The following PAM variants were observed in gnomAD, a reference collection of about 807,000 sequenced individuals.
PAM encodes the protein peptidyl-glycine alpha-amidating monooxygenase.
In PAM, 72 loss-of-function variants were observed where a neutral mutation model predicts 122.1. That is an observed-to-expected ratio of 0.59 (90% confidence interval 0.49 to 0.72). The LOEUF is 0.72. Among genes scored for constraint, PAM ranks in the 30% least tolerant of loss-of-function variants. The probability of loss-of-function intolerance (pLI) is 0.00; values close to 1 mark genes in which losing one functional copy is unlikely to be tolerated. For synonymous variants in PAM, 389 were observed against 404.4 expected (o/e 0.96, Z 0.46); for missense variants, 1,106 against 1,183.7 (o/e 0.93, Z 0.96).
At chr5:102,780,831 C>A (rs377224862) in intron 1 of PAM, among the ~76,000 whole-genome samples, 2 of 115,744 alleles carry the variant, frequency 1.7e-5, no homozygotes, top group South Asian at 5.5e-4. Flanking sequence ...TTCTTTCTTT[C>A]TTTCTCTGTC....
At chr5:102,789,489 A>T (rs1482801644) in intron 1 of PAM, among the ~76,000 whole-genome samples, 1 of 152,150 alleles carries the variant, frequency 6.6e-6, no homozygotes, top group African/African-American at 2.4e-5. Flanking sequence ...ACGTGCTACA[A>T]CATGGCTGAT....
At chr5:102,833,412 G>A (rs908153500) in intron 1 of PAM, among the ~76,000 whole-genome samples, 5 of 152,070 alleles carry the variant, frequency 3.3e-5, no homozygotes, top group African/African-American at 7.2e-5. Flanking sequence ...GAAACAATAA[G>A]GATATACAGG....
At chr5:102,825,883 G>A (rs914235799) in intron 1 of PAM, among the ~76,000 whole-genome samples, 3 of 152,252 alleles carry the variant, frequency 2.0e-5, no homozygotes, top group African/African-American at 7.2e-5. Context: ...GCTTTCTAGA[G>A]TTAGAGTATT....
At chr5:102,796,994 A>G (rs1368781059) in intron 1 of PAM, among the ~76,000 whole-genome samples, 1 of 152,234 alleles carries the variant, frequency 6.6e-6, no homozygotes, top group East Asian at 1.9e-4. Flanking sequence ...TTCATTGCCA[A>G]GTTTCAAAAT....
At chr5:103,011,378 TCACACA>T (rs71226932) in intron 21 of PAM, among the ~76,000 whole-genome samples, 3,811 of 148,702 alleles carry the variant, frequency 0.026, 162 homozygotes, top group African/African-American at 0.089. Context: ...AAACACACAC[TCACACA>T]CACACACACA....
intron 1 of PAM, among the ~76,000 whole-genome samples, chr5:102,812,738 T>C (rs999701972): frequency 6.6e-6 from 1 of 152,132 alleles, no homozygotes; most frequent in African/African-American, 2.4e-5. Flanking sequence ...ATACCATCAT[T>C]AAAGGAGAGA....
intron 1 of PAM, among the ~76,000 whole-genome samples, chr5:102,820,366 A>G (rs1771438292): frequency 6.6e-6 from 1 of 152,194 alleles, no homozygotes; most frequent in South Asian, 2.1e-4. Flanking sequence ...AATAGTTTCA[A>G]AAGAATATGC....
At chr5:102,858,052 A>G (rs1212399996) in intron 1 of PAM, among the ~76,000 whole-genome samples, 3 of 152,202 alleles carry the variant, frequency 2.0e-5, no homozygotes, top group Non-Finnish European at 4.4e-5. Flanking sequence ...AACAGAATTA[A>G]TAACCCATAT....
At chr5:102,782,166 C>T (rs975914096) in intron 1 of PAM, among the ~76,000 whole-genome samples, 5 of 152,196 alleles carry the variant, frequency 3.3e-5, no homozygotes, top group African/African-American at 4.8e-5. Context: ...ATGTTTTCTT[C>T]AAAGAGTAAA....
intron 17 of PAM, among the ~76,000 whole-genome samples, chr5:103,004,841 T>C (rs1183342320): frequency 1.3e-5 from 2 of 152,232 alleles, no homozygotes; most frequent in Admixed American, 6.5e-5. Context: ...TTAACACTTA[T>C]GACCTCAGAA....
intron 1 of PAM, among the ~76,000 whole-genome samples, chr5:102,797,774 A>T (rs1763741293): frequency 6.6e-6 from 1 of 152,160 alleles, no homozygotes. Flanking sequence ...ATGTATTTAC[A>T]TGTTAGAAGC....
chr5:102,812,516 C>CT (rs1375317672), intron 1 of PAM, among the ~76,000 whole-genome samples: 1 of 151,950 alleles, frequency 6.6e-6, no homozygotes, highest in Non-Finnish European at 1.5e-5. Context: ...TACACATATT[C>CT]TTTTTTTATT....
At chr5:102,852,039 T>C (rs977885478) in intron 1 of PAM, among the ~76,000 whole-genome samples, 1 of 152,228 alleles carries the variant, frequency 6.6e-6, no homozygotes, top group African/African-American at 2.4e-5. Flanking sequence ...CCTAGATATA[T>C]ACCCAGCATA....
At chr5:102,758,068 ATTTTGTTTTTTTTTTTT>A (rs1751057977) in intron 1 of PAM, among the ~76,000 whole-genome samples, 7 of 87,630 alleles carry the variant, frequency 8.0e-5, no homozygotes, top group East Asian at 6.3e-4. Flanking sequence ...AAGACTTAGA[ATTTTGTTTTTTTTTTTT>A]TTTTTTTTTT....
chr5:102,829,363 G>GTTTT (rs70990417), intron 1 of PAM, among the ~76,000 whole-genome samples: 3 of 140,502 alleles, frequency 2.1e-5, no homozygotes, highest in Non-Finnish European at 3.1e-5. Flanking sequence ...CAACTGGGAG[G>GTTTT]TTTTTTTTTT....
chr5:102,957,088 A>G (rs1432056269), intron 12 of PAM, among the ~76,000 whole-genome samples: 1 of 152,184 alleles, frequency 6.6e-6, no homozygotes, highest in Admixed American at 6.6e-5. Flanking sequence ...TATAGATAGA[A>G]TATACATAGA....
At chr5:102,989,583 T>C (rs182490716) in intron 15 of PAM, among the ~76,000 whole-genome samples, 18 of 152,256 alleles carry the variant, frequency 1.2e-4, no homozygotes, top group Admixed American at 1.2e-3. Flanking sequence ...TTGGAAATCA[T>C]TCAGTCACAG....
At chr5:103,003,785 G>A (rs763605522) in intron 17 of PAM, among the ~76,000 whole-genome samples, 95 of 152,162 alleles carry the variant, frequency 6.2e-4, no homozygotes, top group Non-Finnish European at 5.9e-5. Context: ...AAATTCTTCA[G>A]GACAACCAAA....
intron 15 of PAM, chr5:102,987,616 A>G (rs1282510622): frequency 4.5e-6 from 2 of 440,612 alleles, no homozygotes; most frequent in Non-Finnish European, 9.0e-6. Context: ...GCTTGTATCA[A>G]AATATCACAT....
Sources: allele counts gnomAD v4.1 joint callset (sites outside exome capture counted in the v4.1 genomes callset), GRCh38; gene constraint gnomAD v4.1.1; transcripts MANE v1.5; gene names NCBI Gene and HGNC (gene_info 2026-07-23, HGNC 2026-07-21).